Variants in MPRIP observed in about 807,000 individuals in gnomAD.
The protein encoded by MPRIP is myosin phosphatase Rho-interacting protein.
A neutral mutation model predicts 234.9 loss-of-function variants in MPRIP; 59 were observed. That is an observed-to-expected ratio of 0.25 (90% CI 0.20 to 0.31). The LOEUF is 0.31. Ranked by LOEUF, MPRIP falls within the 10% of genes least tolerant of loss-of-function variation. The pLI, the probability that MPRIP is intolerant of heterozygous loss-of-function variation, is 1.00. For synonymous variants in MPRIP, 1,144 were observed against 1,263.9 expected (o/e 0.91, Z 2.01); for missense variants, 2,436 against 3,071.0 (o/e 0.79, Z 4.89).
At chr17:17,112,234 C>T (rs1308887926) in intron 3 of MPRIP, among the ~76,000 whole-genome samples, 1 of 152,164 alleles carries the variant, frequency 6.6e-6, no homozygotes, top group Non-Finnish European at 1.5e-5. Flanking sequence ...CCCTCCCACT[C>T]CTTGGGCCTA....
intron 3 of MPRIP, chr17:17,096,705 G>C (rs1295997041): frequency 4.3e-6 from 2 of 469,110 alleles, no homozygotes; most frequent in African/African-American, 2.0e-5. Context: ...CAGATCTGGG[G>C]CTCAGCCCTG....
rs200188609 is a variant in MPRIP at position 17,177,453 on chromosome 17, G to A, written c.7120+41G>A. On this transcript the variant is annotated intron_variant, in intron 22 of 23. Coordinates refer to ENST00000651222, the MANE Select transcript of MPRIP (RefSeq NM_001364716.4). ...ATGCCCTCTCGGTTATTGCTGGGGG[G>A]CTTATGGGGGTTTGGTCGTAGAGGT... 68 of 1,595,252 alleles carry A rather than the reference G, an allele frequency of 4.3e-5. 1 individual carries two copies. The highest frequency in any genetic ancestry group is 3.3e-4 in the Middle Eastern group (2 of 5,990).
intron 3 of MPRIP, among the ~76,000 whole-genome samples, chr17:17,081,903 A>G (rs2089470967): frequency 6.6e-6 from 1 of 152,194 alleles, no homozygotes; most frequent in Non-Finnish European, 1.5e-5. Context: ...TCTCAAATGC[A>G]GGCTGAGGTG....
chr17:17,080,474 C>T (rs1343878473), intron 3 of MPRIP, among the ~76,000 whole-genome samples: 1 of 152,228 alleles, frequency 6.6e-6, no homozygotes, highest in Non-Finnish European at 1.5e-5. Flanking sequence ...TGGGTAAACT[C>T]CAGCCAAGCT....
intron 1 of MPRIP, among the ~76,000 whole-genome samples, chr17:17,048,045 T>TG (rs1231674375): frequency 6.6e-6 from 1 of 152,038 alleles, no homozygotes; most frequent in Non-Finnish European, 1.5e-5. Context: ...CGTGTTGATC[T>TG]GGGGGTGATG....
rs1275629073 is a variant in MPRIP, at chr17:17,191,547, G to A, written c.*6653G>A. 1.3e-5 allele frequency: 2 copies of A among 152,246 alleles called. No homozygotes were observed. The highest frequency in any genetic ancestry group is 4.8e-5 in the African/African-American group (2 of 41,456). 9.4% of individuals were successfully genotyped at this position (152,246 alleles called of 1,614,324 possible). A position where few individuals can be genotyped will look rare whatever the true frequency, so the allele number is the denominator to read the frequency against. On this transcript the variant is annotated 3_prime_UTR_variant, in exon 24 of 24. Transcript: ENST00000651222. ...ATTGGAGACTCCAGTAATGTAGGAT[G>A]GCCTGAGAGGACGTCCAAGTCCCAA...
chr17:17,140,904 C>T (rs1441418364), intron 7 of MPRIP, among the ~76,000 whole-genome samples: 1 of 152,152 alleles, frequency 6.6e-6, no homozygotes, highest in Non-Finnish European at 1.5e-5. Flanking sequence ...GTGCAGGCCC[C>T]GTTTTCTGTG....
Position 17,185,791 on chromosome 17 carries a change from T to A in MPRIP, c.*897T>A, listed in dbSNP as rs1360431558. 1 of 342,316 alleles carries A rather than the reference T, an allele frequency of 2.9e-6. No homozygotes were observed. Among genetic ancestry groups the A allele is most frequent in the Admixed American group, 4.2e-5 (1 of 24,010 alleles). 21.2% of individuals were successfully genotyped at this position (342,316 alleles called of 1,614,324 possible). A position where few individuals can be genotyped will look rare whatever the true frequency, so the allele number is the denominator to read the frequency against. On this transcript the variant is annotated 3_prime_UTR_variant, in exon 24 of 24. Transcript: ENST00000651222. ...TTTGGAAAAGAAACCGTCACATTGC[T>A]TTGGAAAAGGTTGAGAGGAGACCCC...
chr17:17,077,294 A>G (rs577550181), intron 2 of MPRIP: 2 of 152,452 alleles, frequency 1.3e-5, no homozygotes, highest in Admixed American at 1.3e-4. Context: ...ACAAAGGAAG[A>G]CATACACCGC....
At chr17:17,137,755 T>C (rs936351281) in intron 6 of MPRIP, among the ~76,000 whole-genome samples, 161 bp from the exon 7 acceptor site, 7 of 152,126 alleles carry the variant, frequency 4.6e-5, no homozygotes, top group Non-Finnish European at 1.0e-4. Flanking sequence ...CCATGGTTCT[T>C]TCCGTCTCAC....
chr17:17,101,459 C>G (rs1017527930), intron 3 of MPRIP, among the ~76,000 whole-genome samples: 1 of 152,096 alleles, frequency 6.6e-6, no homozygotes, highest in African/African-American at 2.4e-5. Context: ...CCCAGCCACT[C>G]AGGCTGAGGC....
intron 7 of MPRIP, among the ~76,000 whole-genome samples, chr17:17,139,478 T>TC (rs1329859805): frequency 6.6e-6 from 1 of 152,170 alleles, no homozygotes; most frequent in Non-Finnish European, 1.5e-5. Context: ...AGGTTCACTG[T>TC]CCAGAAAAGA....
rs1158452157 is a variant in MPRIP at position 17,131,663 on chromosome 17, CAGA to C, written c.474_476del (p.Lys159del). The C allele has an allele frequency of 3.1e-6, 5 of 1,614,172 alleles. No homozygotes were observed. Among genetic ancestry groups the C allele is most frequent in the Non-Finnish European group, 3.4e-6 (4 of 1,180,030 alleles). On this transcript the variant is annotated inframe_deletion, in exon 5 of 24. Coordinates refer to ENST00000651222, the MANE Select transcript of MPRIP (RefSeq NM_001364716.4). The stretch of plus-strand genomic sequence containing the variant: ...CTATCCCCGGACCAACAAGCAGAAT[CAGA>C]AGAAGAAACGGAAAGTGGAGCCCCC...
chr17:17,185,123 A>G lies in MPRIP; in HGVS notation c.*229A>G, dbSNP rs2046450652. The G allele has an allele frequency of 2.5e-6, 1 of 400,944 alleles. No homozygotes were observed. The highest frequency in any genetic ancestry group is 2.1e-5 in the African/African-American group (1 of 48,618). The allele number at this position is 400,944 out of a possible 1,614,324, so 24.8% of individuals were successfully genotyped here. On this transcript the variant is annotated 3_prime_UTR_variant, in exon 24 of 24. Transcript: ENST00000651222. ...TCAAAGCTTTTTTCCGTGGTATTCT[A>G]AAATTAGGCCAGCAGTGGGGGCTGG...
chr17:17,135,923 C>G (rs552347963), intron 5 of MPRIP, among the ~76,000 whole-genome samples: 1 of 152,340 alleles, frequency 6.6e-6, no homozygotes, highest in East Asian at 1.9e-4. Flanking sequence ...GCGCTGTGAA[C>G]TTGTTCTTGC....
chr17:17,170,363 G>A (rs2144660540), intron 16 of MPRIP, among the ~76,000 whole-genome samples: 1 of 152,296 alleles, frequency 6.6e-6, no homozygotes, highest in East Asian at 1.9e-4. Flanking sequence ...TGTGAGGGTG[G>A]CAGAAAGAGA....
chr17:17,114,373 G>A (rs1038458340), intron 3 of MPRIP, among the ~76,000 whole-genome samples: 3 of 151,790 alleles, frequency 2.0e-5, no homozygotes, highest in Non-Finnish European at 2.9e-5. Flanking sequence ...TTGCCTTTTC[G>A]CTCTCTTGGT....
rs1439068182 is a variant in MPRIP at position 17,164,328 on chromosome 17, C to G, written c.2737C>G (p.Leu913Val). The change falls in exon 16 of 24, where the codon CTA (leucine) becomes GTA (valine). Residue 913 changes from leucine (L) to valine (V), a missense_variant. Physicochemically the swap from Leu to Val is conservative, Grantham distance 32. Transcript: ENST00000651222. ...QARLSNAAAELAIKEQALAKL... is the reference protein window; with the variant it reads ...QARLSNAAAEVAIKEQALAKL... ...ACGGCTCAGCAATGCGGCCGCTGAG[C>G]TAGCCATCAAGGAGCAGGCGCTGGC... is the stretch of plus-strand genomic sequence containing the variant. The G allele has an allele frequency of 2.3e-6, 3 of 1,303,198 alleles. No homozygotes were observed. The highest frequency in any genetic ancestry group is 3.0e-6 in the Non-Finnish European group (3 of 988,958). The allele number at this position is 1,303,198 out of a possible 1,614,324, so 80.7% of individuals were successfully genotyped here. A position where few individuals can be genotyped will look rare whatever the true frequency, so the allele number is the denominator to read the frequency against.
rs2046468080 is a variant in MPRIP at position 17,185,964 on chromosome 17, T to C, written c.*1070T>C. On this transcript the variant is annotated 3_prime_UTR_variant, in exon 24 of 24. Transcript: ENST00000651222. ...AGCATTTATCTTTAAAAGAGCCTGG[T>C]TAAAGTAAACCTATACTAACAATTT... 6.3e-6 allele frequency: 1 copy of C among 158,060 alleles called. No individual in the cohort carries two copies. The highest frequency in any genetic ancestry group is 2.4e-5 in the African/African-American group (1 of 41,476). The allele number at this position is 158,060 out of a possible 1,614,324, so 9.8% of individuals were successfully genotyped here.
Sources: allele counts gnomAD v4.1 joint callset (sites outside exome capture counted in the v4.1 genomes callset), GRCh38; gene constraint gnomAD v4.1.1; transcripts MANE v1.5; gene names NCBI Gene and HGNC (gene_info 2026-07-23, HGNC 2026-07-21).